Variants in MMP26 observed in about 807,000 individuals in gnomAD.
MMP26 encodes the protein matrix metalloproteinase-26.
A neutral mutation model predicts 31.0 loss-of-function variants in MMP26; 33 were observed. The observed-to-expected ratio is 1.06, with a 90% confidence interval of 0.81 to 1.42. The LOEUF is 1.42. MMP26 is among the 40% of genes most tolerant of loss of function. MMP26 has a pLI of 0.00. For missense variants in MMP26, 347 were observed against 316.1 expected, an observed-to-expected ratio of 1.10 and a Z score of -0.74; for synonymous variants, 122 against 114.9, an observed-to-expected ratio of 1.06 and a Z score of -0.40.
intron 2 of MMP26, among the ~76,000 whole-genome samples, chr11:4,849,560 T>A (rs1849944161): frequency 6.6e-6 from 1 of 152,104 alleles, no homozygotes; most frequent in African/African-American, 2.4e-5. Flanking sequence ...TAGGAAACAG[T>A]CCATTTATCC....
At chr11:4,945,632 G>A (rs191482415) in intron 2 of MMP26, 5 of 159,698 alleles carry the variant, frequency 3.1e-5, no homozygotes, top group African/African-American at 1.2e-4. Context: ...AAGAGTGAAA[G>A]AGGCAGGATT....
chr11:4,972,867 T>C (rs2133633020), intron 2 of MMP26: 1 of 152,338 alleles, frequency 6.6e-6, no homozygotes, highest in East Asian at 1.9e-4. Context: ...GTGATTAACA[T>C]AGTATGTTTT....
chr11:4,723,113 G>T, intron 1 of MMP26: 1 of 1,560,576 alleles, frequency 6.4e-7, no homozygotes, highest in Non-Finnish European at 8.8e-7. Context: ...CTGCAGGGCG[G>T]CCTCCAGCTC....
chr11:4,738,848 A>G (rs1382715951), intron 1 of MMP26, among the ~76,000 whole-genome samples: 1 of 152,140 alleles, frequency 6.6e-6, no homozygotes, highest in Non-Finnish European at 1.5e-5. Context: ...ATCATACATT[A>G]TATATATGTA....
At chr11:4,942,289 A>ATTAT (rs1846222312) in intron 2 of MMP26, among the ~76,000 whole-genome samples, 1 of 151,562 alleles carries the variant, frequency 6.6e-6, no homozygotes, top group South Asian at 2.1e-4. Flanking sequence ...TTGTTTGTTT[A>ATTAT]TTATTTATTT....
intron 2 of MMP26, among the ~76,000 whole-genome samples, chr11:4,921,685 T>C (rs1279530392): frequency 6.6e-6 from 1 of 152,250 alleles, no homozygotes; most frequent in Non-Finnish European, 1.5e-5. Flanking sequence ...ACTCGAGCCA[T>C]TGTGTACCTT....
chr11:4,848,455 G>A (rs1334591920), intron 2 of MMP26: 2 of 1,613,762 alleles, frequency 1.2e-6, no homozygotes, highest in Admixed American at 1.7e-5. Context: ...ACTGCAGAGA[G>A]GTGGGCAGCA....
intron 2 of MMP26, among the ~76,000 whole-genome samples, chr11:4,976,363 C>T (rs1238877382): frequency 6.6e-6 from 1 of 151,824 alleles, no homozygotes; most frequent in Non-Finnish European, 1.5e-5. Flanking sequence ...ATTGTCAAAC[C>T]TTGAGTATAT....
intron 2 of MMP26, among the ~76,000 whole-genome samples, chr11:4,959,669 G>A (rs141110403): frequency 6.6e-6 from 1 of 152,064 alleles, no homozygotes; most frequent in Admixed American, 6.5e-5. Flanking sequence ...TCTTTAAGTG[G>A]TATCCAGTTC....
At chr11:4,841,730 C>T (rs1008294652) in intron 2 of MMP26, among the ~76,000 whole-genome samples, 4 of 152,064 alleles carry the variant, frequency 2.6e-5, no homozygotes, top group Admixed American at 1.3e-4. Context: ...GTCAGGAGTT[C>T]GAGACCAGTC....
intron 2 of MMP26, chr11:4,768,876 ATAT>A (rs1848666137): frequency 3.3e-6 from 2 of 610,878 alleles, no homozygotes; most frequent in Non-Finnish European, 5.3e-6. Context: ...TGAATGAAAA[ATAT>A]TTTAAAAACC....
chr11:4,717,785 A>G (rs751876544), intron 1 of MMP26, among the ~76,000 whole-genome samples: 2 of 152,224 alleles, frequency 1.3e-5, no homozygotes, highest in Non-Finnish European at 2.9e-5. Flanking sequence ...AGGCACATAC[A>G]GTTTAGTAAC....
chr11:4,801,463 T>C (rs538091395), intron 2 of MMP26, among the ~76,000 whole-genome samples: 50 of 151,278 alleles, frequency 3.3e-4, no homozygotes, highest in Middle Eastern at 3.4e-3. Context: ...ATGGCAGGAG[T>C]GGGAATGAGA....
intron 2 of MMP26, among the ~76,000 whole-genome samples, chr11:4,837,091 A>G (rs994421110): frequency 2.0e-5 from 3 of 152,192 alleles, no homozygotes; most frequent in Non-Finnish European, 4.4e-5. Context: ...AGATTGGGAA[A>G]GGCATAAAAC....
At chr11:4,976,643 G>A (rs1028999031) in intron 2 of MMP26, among the ~76,000 whole-genome samples, 3 of 152,058 alleles carry the variant, frequency 2.0e-5, no homozygotes, top group African/African-American at 7.2e-5. Flanking sequence ...TGGAACAAAG[G>A]CCTCTGAGGA....
chr11:4,979,684 A>C (rs951606995), intron 2 of MMP26, among the ~76,000 whole-genome samples: 2 of 152,030 alleles, frequency 1.3e-5, no homozygotes, highest in African/African-American at 4.8e-5. Context: ...CTTTTAATGC[A>C]CTTGTGTGGT....
intron 1 of MMP26, among the ~76,000 whole-genome samples, chr11:4,728,319 A>C (rs1848130244): frequency 6.6e-6 from 1 of 152,222 alleles, no homozygotes; most frequent in South Asian, 2.1e-4. Flanking sequence ...AGCTTTCCAG[A>C]GTACTGGGTA....
chr11:4,759,269 A>G (rs1367898592), intron 1 of MMP26, among the ~76,000 whole-genome samples: 1 of 152,184 alleles, frequency 6.6e-6, no homozygotes, highest in East Asian at 1.9e-4. Flanking sequence ...GTCAACAAAG[A>G]TTAGTAAGGA....
chr11:4,816,912 A>T (rs1174429244), intron 2 of MMP26, among the ~76,000 whole-genome samples: 1 of 150,206 alleles, frequency 6.7e-6, no homozygotes, highest in Non-Finnish European at 1.5e-5. Flanking sequence ...TGGTTTCACC[A>T]TGTTAGCCAG....
Sources: gnomAD v4.1 joint callset for allele counts (sites outside exome capture counted in the v4.1 genomes callset) on GRCh38, gnomAD v4.1.1 for gene constraint, MANE v1.5 for transcripts, NCBI Gene and HGNC (gene_info 2026-07-23, HGNC 2026-07-21) for gene names.